Variants in C16orf78 observed in about 807,000 individuals in gnomAD.
The protein encoded by C16orf78 is uncharacterized protein C16orf78.
C16orf78 carries 19 observed loss-of-function variants against 27.3 expected under a neutral mutation model. That is an observed-to-expected ratio of 0.70 (90% CI 0.49 to 1.02). The LOEUF (loss-of-function observed/expected upper bound fraction) is 1.02. C16orf78 is among the 50% of genes least tolerant of loss of function. The pLI is 0.00. For missense variants in C16orf78, 339 were observed against 337.0 expected (o/e 1.01, Z -0.05); for synonymous variants, 130 against 116.1 (o/e 1.12, Z -0.77).
intron 4 of C16orf78, 118 bp downstream of exon 4, chr16:49,396,796 G>A: frequency 7.5e-7 from 1 of 1,337,486 alleles, no homozygotes; most frequent in South Asian, 1.5e-5. Context: ...GGGGCTTGGT[G>A]TGGCTGAGCT....
Position 49,396,677 on chromosome 16 carries a change from C to A in C16orf78, c.649C>A (p.Arg217=), listed in dbSNP as rs776198743. 3 of 1,605,752 alleles carry A rather than the reference C, an allele frequency of 1.9e-6. No individual in the cohort carries two copies. Among genetic ancestry groups the A allele is most frequent in the Non-Finnish European group, 2.5e-6 (3 of 1,179,786 alleles). ...GAAGCCAGAGGAGGTGCTGAGCTGC[C>A]GGTGAGAGCTGCCACCCCCTGGGCA... The part of the protein sequence containing the change: ...MLKPEEVLSC[R]YLRLSKENIR... The change falls in exon 4 of 5, where the codon CGA becomes AGA. Residue 217 remains arginine, a splice_region_variant and synonymous_variant. Transcript: ENST00000299191.
At position 49,399,382 on chromosome 16, in the gene C16orf78, A is replaced by G; in HGVS notation, c.*104A>G. The stretch of plus-strand genomic sequence containing the variant: ...ACAAGTGGTCCTTCCAACTTAGTGC[A>G]TCCCTTTAGAAAGTAAGCAATCAGA... On this transcript the variant is annotated 3_prime_UTR_variant, in exon 5 of 5. Coordinates refer to ENST00000299191, the MANE Select transcript of C16orf78 (RefSeq NM_144602.4). 3.0e-6 allele frequency: 4 copies of G among 1,352,436 alleles called. No homozygotes were observed. Among genetic ancestry groups the G allele is most frequent in the Non-Finnish European group, 2.0e-6 (2 of 980,386 alleles). 83.8% of individuals were successfully genotyped at this position (1,352,436 alleles called of 1,614,324 possible). A position where few individuals can be genotyped will look rare whatever the true frequency, so the allele number is the denominator to read the frequency against.
rs1965185569 is a variant in C16orf78 at position 49,373,967 on chromosome 16, G to A, written c.28G>A (p.Asp10Asn). ...GTCAGAGCAACAAATGGACCTGAAG[G>A]ATTTAATGCCCACAAAGAGGAAATA... MSEQQMDLK[D>N]LMPTKRKYMW... The change falls in exon 1 of 5, where the codon GAT becomes AAT. Residue 10 changes from aspartate (D) to asparagine (N), a missense_variant. Asp to Asn is a conservative substitution (Grantham distance 23, BLOSUM62 1). Coordinates refer to ENST00000299191, the MANE Select transcript of C16orf78 (RefSeq NM_144602.4). 2 of 1,614,066 alleles carry A rather than the reference G, an allele frequency of 1.2e-6. No homozygotes were observed. Among genetic ancestry groups the A allele is most frequent in the Admixed American group, 1.7e-5 (1 of 60,010 alleles).
At chr16:49,399,045 C>A in intron 4 of C16orf78, 86 bp from the exon 5 acceptor site, 1 of 1,430,318 alleles carries the variant, frequency 7.0e-7, no homozygotes, top group Admixed American at 1.8e-5. Context: ...ACACTTACTG[C>A]TGCTCAAATC....
chr16:49,379,299 A>G (rs1301248292), intron 3 of C16orf78, among the ~76,000 whole-genome samples: 1 of 152,132 alleles, frequency 6.6e-6, no homozygotes, highest in Non-Finnish European at 1.5e-5. Context: ...CTAAAATTTC[A>G]GGTGGTCTTT....
chr16:49,378,057 T>G (rs1374834995), intron 2 of C16orf78, among the ~76,000 whole-genome samples: 1 of 152,188 alleles, frequency 6.6e-6, no homozygotes, highest in Admixed American at 6.5e-5. Context: ...CCCTGTAGTT[T>G]CATTCTTCAC....
chr16:49,386,430 C>T (rs1381531300), intron 3 of C16orf78, among the ~76,000 whole-genome samples: 1 of 152,182 alleles, frequency 6.6e-6, no homozygotes, highest in African/African-American at 2.4e-5. Context: ...CAGAAGTGAT[C>T]ATATGTGGGA....
At chr16:49,398,299 G>A (rs1464505265) in intron 4 of C16orf78, among the ~76,000 whole-genome samples, 2 of 152,132 alleles carry the variant, frequency 1.3e-5, no homozygotes, top group African/African-American at 4.8e-5. Context: ...GCAACCAGCA[G>A]GCAGCCTGAG....
chr16:49,374,522 T>A (rs1776730460), intron 1 of C16orf78, among the ~76,000 whole-genome samples: 1 of 152,220 alleles, frequency 6.6e-6, no homozygotes, highest in Non-Finnish European at 1.5e-5. Flanking sequence ...GGGCCTATCA[T>A]CAGGAAGAAA....
At chr16:49,378,913 C>A (rs1567390339) in intron 3 of C16orf78, among the ~76,000 whole-genome samples, 2 of 152,158 alleles carry the variant, frequency 1.3e-5, no homozygotes, top group Non-Finnish European at 2.9e-5. Context: ...TCATGAGTTA[C>A]AAATCATCTA....
chr16:49,399,096 C>A, intron 4 of C16orf78, 35 bp from the exon 5 acceptor site: 7 of 1,608,202 alleles, frequency 4.4e-6, no homozygotes, highest in Admixed American at 1.7e-5. Context: ...TGTGACTCCA[C>A]CTTCAACTGA....
intron 3 of C16orf78, among the ~76,000 whole-genome samples, chr16:49,384,368 A>AAAAAAAAAAAAAAAAAAAAAAAAAAAG (rs1567391927): frequency 1.4e-5 from 2 of 143,162 alleles, no homozygotes. Context: ...AAAAAAAAAA[A>AAAAAAAAAAAAAAAAAAAAAAAAAAAG]GCAGAAAACT....
rs1258235536 is a variant in C16orf78, at chr16:49,394,715, T to C, written c.395-1708T>C. ...CAAATGTAATATATATTAAAAATAA[T>C]ATATAATTTTGATAAATATTGGAGA... On this transcript the variant is annotated intron_variant, in intron 3 of 4. Coordinates refer to ENST00000299191, the MANE Select transcript of C16orf78 (RefSeq NM_144602.4). Among the ~76,000 whole-genome samples the C allele has an allele frequency of 3.3e-5, 5 of 152,042 alleles. No individual in the cohort carries two copies. In the South Asian group the frequency reaches 6.2e-4, roughly 19 times the overall value.
At chr16:49,393,482 C>A (rs905823420) in intron 3 of C16orf78, among the ~76,000 whole-genome samples, 2 of 152,132 alleles carry the variant, frequency 1.3e-5, no homozygotes, top group Non-Finnish European at 1.5e-5. Context: ...TAACCCTCAA[C>A]TTTAAAAATT....
chr16:49,397,607 A>T (rs1361468085), intron 4 of C16orf78, among the ~76,000 whole-genome samples: 1 of 152,164 alleles, frequency 6.6e-6, no homozygotes, highest in African/African-American at 2.4e-5. Flanking sequence ...TGTGGTTCTA[A>T]TTGACTCTGG....
chr16:49,382,585 C>T (rs1336389084), intron 3 of C16orf78, among the ~76,000 whole-genome samples: 2 of 152,094 alleles, frequency 1.3e-5, no homozygotes, highest in Non-Finnish European at 2.9e-5. Context: ...CAGGAAGTAG[C>T]CCCCTGATAT....
At chr16:49,390,464 G>C (rs1370290614) in intron 3 of C16orf78, among the ~76,000 whole-genome samples, 3 of 152,048 alleles carry the variant, frequency 2.0e-5, no homozygotes, top group Non-Finnish European at 4.4e-5. Context: ...ATAGCTTCAA[G>C]TCCACTAATC....
intron 3 of C16orf78, among the ~76,000 whole-genome samples, chr16:49,386,425 G>A (rs906946271): frequency 2.0e-5 from 3 of 152,180 alleles, no homozygotes; most frequent in Non-Finnish European, 4.4e-5. Context: ...TTCTACAGAA[G>A]TGATCATATG....
At chr16:49,387,397 A>G (rs1965364418) in intron 3 of C16orf78, among the ~76,000 whole-genome samples, 1 of 152,000 alleles carries the variant, frequency 6.6e-6, no homozygotes, top group Non-Finnish European at 1.5e-5. Context: ...TCTATTCTGT[A>G]GGTTGTCTGT....
Sources: gnomAD v4.1 joint callset for allele counts (sites outside exome capture counted in the v4.1 genomes callset) on GRCh38, gnomAD v4.1.1 for gene constraint, MANE v1.5 for transcripts, NCBI Gene and HGNC (gene_info 2026-07-23, HGNC 2026-07-21) for gene names.